Variants in KCNJ6 observed in about 807,000 individuals in gnomAD.
KCNJ6 encodes the protein G protein-activated inward rectifier potassium channel 2.
A neutral mutation model predicts 34.2 loss-of-function variants in KCNJ6; 9 were observed. The ratio of observed to expected loss-of-function variants is 0.26; its 90% CI spans 0.16 to 0.46. The LOEUF (loss-of-function observed/expected upper bound fraction) is 0.46, where lower values mean the gene tolerates loss of function less well. Among genes scored for constraint, KCNJ6 ranks in the 20% least tolerant of loss-of-function variants. KCNJ6 has a pLI of 1.00. For synonymous variants in KCNJ6, 196 were observed against 207.1 expected, an observed-to-expected ratio of 0.95 and a Z score of 0.46; for missense variants, 236 against 531.3, an observed-to-expected ratio of 0.44 and a Z score of 5.46.
intron 2 of KCNJ6, among the ~76,000 whole-genome samples, chr21:37,760,010 C>T (rs554435733): frequency 2.6e-5 from 4 of 152,292 alleles, no homozygotes; most frequent in African/African-American, 9.6e-5. Context: ...TCAGAAGGAA[C>T]GAATGCCTCT....
At chr21:37,884,010 G>A (rs1208748203) in intron 1 of KCNJ6, among the ~76,000 whole-genome samples, 1 of 152,118 alleles carries the variant, frequency 6.6e-6, no homozygotes, top group Non-Finnish European at 1.5e-5. Context: ...TTCATCATGG[G>A]ATGCATCTGT....
chr21:37,778,702 T>TGTGC (rs913926426), intron 2 of KCNJ6, among the ~76,000 whole-genome samples: 1 of 150,426 alleles, frequency 6.6e-6, no homozygotes, highest in Admixed American at 6.9e-5. Context: ...TGTGCGTGTG[T>TGTGC]GTGTGTGTGT....
intron 1 of KCNJ6, among the ~76,000 whole-genome samples, chr21:37,851,646 C>T (rs1054830947): frequency 2.0e-5 from 3 of 152,138 alleles, no homozygotes; most frequent in East Asian, 1.9e-4. Context: ...ATGAGGAACA[C>T]CGTCCTAATC....
At chr21:37,655,449 G>T (rs925042851) in intron 3 of KCNJ6, among the ~76,000 whole-genome samples, 1 of 151,990 alleles carries the variant, frequency 6.6e-6, no homozygotes, top group Admixed American at 6.6e-5. Context: ...TTCTTTACAA[G>T]AATTTCAACA....
chr21:37,682,311 G>A (rs1043811743), intron 3 of KCNJ6, among the ~76,000 whole-genome samples: 6 of 152,192 alleles, frequency 3.9e-5, no homozygotes, highest in Admixed American at 1.3e-4. Context: ...GTGTTAGCAC[G>A]TAGGCTGGTC....
At chr21:37,857,205 C>T (rs544324589) in intron 1 of KCNJ6, among the ~76,000 whole-genome samples, 3 of 152,242 alleles carry the variant, frequency 2.0e-5, no homozygotes, top group South Asian at 2.1e-4. Flanking sequence ...TGCCTACAAC[C>T]TCAGAACATG....
intron 1 of KCNJ6, among the ~76,000 whole-genome samples, chr21:37,873,723 T>C (rs2055664131): frequency 6.6e-6 from 1 of 152,128 alleles, no homozygotes; most frequent in African/African-American, 2.4e-5. Flanking sequence ...CAGCATCTTC[T>C]CCCCATCCTC....
At chr21:37,681,098 A>G (rs766821) in intron 3 of KCNJ6, among the ~76,000 whole-genome samples, 148,899 of 152,332 alleles carry the variant, frequency 0.98, 72,809 homozygotes, top group East Asian at 1. Flanking sequence ...TATCTCTAGA[A>G]CTGAATGGAA....
intron 1 of KCNJ6, among the ~76,000 whole-genome samples, chr21:37,892,394 A>C: frequency 6.6e-6 from 1 of 152,284 alleles, no homozygotes; most frequent in East Asian, 1.9e-4. Flanking sequence ...AGCATTCAGG[A>C]AATTATATGG....
At chr21:37,742,383 C>T (rs969688418) in intron 2 of KCNJ6, among the ~76,000 whole-genome samples, 1 of 152,080 alleles carries the variant, frequency 6.6e-6, no homozygotes, top group African/African-American at 2.4e-5. Context: ...ATGTGGTTGG[C>T]CACTGTCCAT....
chr21:37,674,161 T>A (rs1422945645), intron 3 of KCNJ6, among the ~76,000 whole-genome samples: 1 of 152,134 alleles, frequency 6.6e-6, no homozygotes, highest in Admixed American at 6.6e-5. Flanking sequence ...ACCCAACCTG[T>A]CCCCAATGTC....
chr21:37,680,936 C>A (rs908245025), intron 3 of KCNJ6, among the ~76,000 whole-genome samples: 1 of 152,252 alleles, frequency 6.6e-6, no homozygotes, highest in African/African-American at 2.4e-5. Context: ...ATCACTGTGA[C>A]ACCCTCCTGG....
chr21:37,887,235 C>A (rs914688692), intron 1 of KCNJ6, among the ~76,000 whole-genome samples: 5 of 152,286 alleles, frequency 3.3e-5, no homozygotes, highest in African/African-American at 1.2e-4. Flanking sequence ...GGTAGGGCTG[C>A]TCTGTTTTAT....
intron 1 of KCNJ6, among the ~76,000 whole-genome samples, chr21:37,870,417 C>A (rs1184765254): frequency 6.6e-6 from 1 of 152,136 alleles, no homozygotes; most frequent in African/African-American, 2.4e-5. Flanking sequence ...TTGGCACAGG[C>A]CCAGCTACCT....
intron 2 of KCNJ6, among the ~76,000 whole-genome samples, chr21:37,749,355 A>G (rs1255593578): frequency 6.6e-6 from 1 of 152,154 alleles, no homozygotes; most frequent in Non-Finnish European, 1.5e-5. Context: ...CGCGTGGGCA[A>G]GGCCAGGCAA....
At chr21:37,708,628 G>T (rs1601429566) in intron 3 of KCNJ6, among the ~76,000 whole-genome samples, 1 of 152,040 alleles carries the variant, frequency 6.6e-6, no homozygotes, top group African/African-American at 2.4e-5. Context: ...CCAGGAAGAT[G>T]CCTCTATGAA....
chr21:37,768,644 C>A (rs2123501541), intron 2 of KCNJ6, among the ~76,000 whole-genome samples: 1 of 152,130 alleles, frequency 6.6e-6, no homozygotes, highest in East Asian at 1.9e-4. Context: ...GTTATCACAC[C>A]TGATTTACTT....
In KCNJ6 at chr21:37,781,841, G is replaced by T. The variant is rs941321368; in HGVS notation, c.25+58817C>A. On this transcript the variant is annotated intron_variant, in intron 2 of 3. Transcript: ENST00000609713. ...GCCCGGTATTGTCACAGCCCCAGAG[G>T]CAGAGAACAAATAGCTATCACCTGG... is the stretch of plus-strand genomic sequence containing the variant. 3.9e-5 allele frequency among the ~76,000 whole-genome samples: 6 copies of T among 152,052 alleles called. No individual in the cohort carries two copies. In the South Asian group the frequency reaches 1.2e-3, roughly 32 times the overall value.
intron 3 of KCNJ6, among the ~76,000 whole-genome samples, chr21:37,652,885 G>A (rs775839045): frequency 2.0e-5 from 3 of 152,184 alleles, no homozygotes; most frequent in Non-Finnish European, 4.4e-5. Flanking sequence ...CCTGTCTGAT[G>A]TTTTCAATTT....
Sources: gnomAD v4.1 joint callset for allele counts (sites outside exome capture counted in the v4.1 genomes callset) on GRCh38, gnomAD v4.1.1 for gene constraint, MANE v1.5 for transcripts, NCBI Gene and HGNC (gene_info 2026-07-23, HGNC 2026-07-21) for gene names.